TBL1X: variants seen among roughly 807,000 people sequenced by gnomAD.
TBL1X encodes the protein transducin beta like 1 X-linked, also known as F-box-like/WD repeat-containing protein TBL1X.
A neutral mutation model predicts 50.7 loss-of-function variants in TBL1X; 10 were observed. The ratio of observed to expected loss-of-function variants is 0.20; its 90% CI spans 0.12 to 0.33. TBL1X has a LOEUF of 0.33. TBL1X is among the 10% of genes least tolerant of loss of function. The pLI is 1.00. For missense variants in TBL1X, 340 were observed against 504.4 expected, an observed-to-expected ratio of 0.67 and a Z score of 3.12; for synonymous variants, 190 against 214.7, an observed-to-expected ratio of 0.88 and a Z score of 1.01.
At chrX:9,607,829 T>A (rs995038566) in intron 2 of TBL1X, among the ~76,000 whole-genome samples, 1 of 110,963 alleles carries the variant, frequency 9.0e-6, no homozygotes, top group African/African-American at 3.3e-5. Context: ...ATTTATTTAT[T>A]TGAGATGAAG....
intron 6 of TBL1X, among the ~76,000 whole-genome samples, chrX:9,685,811 C>G (rs1326517218): frequency 9.6e-6 from 1 of 103,999 alleles, no homozygotes; most frequent in African/African-American, 3.5e-5. Flanking sequence ...CAGCCTCAAC[C>G]TCCTGGCTCA....
At chrX:9,580,750 A>AT (rs1309422692) in intron 2 of TBL1X, among the ~76,000 whole-genome samples, 14 of 111,474 alleles carry the variant, frequency 1.3e-4, no homozygotes, top group South Asian at 1.1e-3. Context: ...TAGATTTAAA[A>AT]TTTTTTTGAT....
chrX:9,639,413 G>A (rs1764517360), intron 2 of TBL1X, among the ~76,000 whole-genome samples: 1 of 111,799 alleles, frequency 8.9e-6, no homozygotes, highest in South Asian at 3.7e-4. Flanking sequence ...ATTCGTAGAT[G>A]ATAGAGGATA....
intron 1 of TBL1X, among the ~76,000 whole-genome samples, chrX:9,495,080 C>T (rs188998235): frequency 9.9e-5 from 11 of 111,494 alleles, no homozygotes; most frequent in Non-Finnish European, 1.9e-4. Flanking sequence ...AGCTATCAGT[C>T]TACAGAGGGA....
intron 5 of TBL1X, among the ~76,000 whole-genome samples, chrX:9,683,547 G>A (rs929879176): frequency 6.3e-5 from 7 of 111,395 alleles, no homozygotes; most frequent in South Asian, 3.8e-4. Context: ...CACTTGCCCC[G>A]CGTGCCAGGA....
At chrX:9,636,479 A>G (rs1310368213) in intron 2 of TBL1X, 3 of 69,045 alleles carry the variant, frequency 4.3e-5, no homozygotes, top group Non-Finnish European at 7.8e-5. Flanking sequence ...AACTGAAAAC[A>G]AAGCAAAACA....
At chrX:9,507,798 A>G (rs1232191181) in intron 2 of TBL1X, among the ~76,000 whole-genome samples, 2 of 112,042 alleles carry the variant, frequency 1.8e-5, no homozygotes, top group Non-Finnish European at 3.8e-5. Context: ...TACATCTGTA[A>G]CCATCTGATC....
At position 9,662,893 on chromosome X, in the gene TBL1X, G is replaced by A. The variant is rs752580835; in HGVS notation, c.211+8571G>A. ...GATCACTTGAGGCTGGGAGGTGAAG[G>A]CTGCAGTGAGTTATGATCACACCAT... On this transcript the variant is annotated intron_variant, in intron 5 of 17. Transcript: ENST00000645353. Among the ~76,000 whole-genome samples the A allele has an allele frequency of 6.2e-5, 7 of 112,330 alleles. No homozygotes were observed. The South Asian group carries it at 2.2e-3, about 36-fold the overall frequency.
chrX:9,556,271 T>G (rs1227332528), intron 2 of TBL1X, among the ~76,000 whole-genome samples: 1 of 110,265 alleles, frequency 9.1e-6, no homozygotes. Flanking sequence ...ATGATGAGAA[T>G]GCAGTGGTGG....
chrX:9,712,398 C>T (rs533660058), intron 16 of TBL1X, among the ~76,000 whole-genome samples: 13 of 112,688 alleles, frequency 1.2e-4, no homozygotes, highest in Middle Eastern at 4.6e-3. Context: ...AGTGCAGTGG[C>T]GCGATCTTGG....
In TBL1X at chrX:9,702,169, C is replaced by G. The variant is rs759785786; in HGVS notation, c.1115-2824C>G. ...AAACACACATGGCTGGGTGCGTTGG[C>G]TCATTCCTGTAATCCCAGCACTTTG... On this transcript the variant is annotated intron_variant, in intron 12 of 17. Coordinates refer to ENST00000645353, the MANE Select transcript of TBL1X (RefSeq NM_005647.4). Among the ~76,000 whole-genome samples, 192 of 111,553 alleles carry G rather than the reference C, an allele frequency of 1.7e-3. 1 individual carries two copies. Among genetic ancestry groups the G allele is most frequent in the African/African-American group, 5.8e-3 (179 of 30,702 alleles).
chrX:9,526,038 C>T (rs2082130396), intron 2 of TBL1X, among the ~76,000 whole-genome samples: 1 of 107,487 alleles, frequency 9.3e-6, no homozygotes, highest in Non-Finnish European at 1.9e-5. Flanking sequence ...AAGACTAATG[C>T]GTGCAGCTGC....
At chrX:9,596,902 A>G (rs1008929157) in intron 2 of TBL1X, among the ~76,000 whole-genome samples, 1 of 111,045 alleles carries the variant, frequency 9.0e-6, no homozygotes, top group African/African-American at 3.3e-5. Flanking sequence ...CTGCTTTAAT[A>G]TTATTCTAGA....
At chrX:9,610,042 G>C (rs1306650026) in intron 2 of TBL1X, among the ~76,000 whole-genome samples, 1 of 112,669 alleles carries the variant, frequency 8.9e-6, no homozygotes, top group African/African-American at 3.2e-5. Context: ...CCTGGCCTGA[G>C]CCAAACCATG....
intron 2 of TBL1X, among the ~76,000 whole-genome samples, chrX:9,568,576 TTG>T (rs2082364483): frequency 9.4e-6 from 1 of 106,217 alleles, no homozygotes; most frequent in Non-Finnish European, 2.0e-5. Flanking sequence ...TCTGTGTATG[TTG>T]TGTCTATCTG....
chrX:9,555,049 A>G (rs1179214236), intron 2 of TBL1X, among the ~76,000 whole-genome samples: 2 of 111,883 alleles, frequency 1.8e-5, no homozygotes, highest in Non-Finnish European at 3.8e-5. Context: ...TCCATGTCAT[A>G]GCATGGATTG....
intron 1 of TBL1X, among the ~76,000 whole-genome samples, chrX:9,471,539 C>T (rs950904955): frequency 1.8e-5 from 2 of 112,028 alleles, no homozygotes; most frequent in Non-Finnish European, 3.8e-5. Context: ...TGTCCGGTGC[C>T]TAGAGTATCA....
chrX:9,504,409 A>G (rs975543843), intron 2 of TBL1X, among the ~76,000 whole-genome samples: 3 of 112,117 alleles, frequency 2.7e-5, no homozygotes, highest in Non-Finnish European at 3.8e-5. Flanking sequence ...AATGATTACA[A>G]CATCTCTCCA....
intron 2 of TBL1X, among the ~76,000 whole-genome samples, chrX:9,550,037 G>A (rs952305853): frequency 9.0e-6 from 1 of 111,717 alleles, no homozygotes; most frequent in African/African-American, 3.3e-5. Context: ...GGCACAATGC[G>A]CAGAGGGTTG....
Sources: gnomAD v4.1 joint callset for allele counts (sites outside exome capture counted in the v4.1 genomes callset) on GRCh38, gnomAD v4.1.1 for gene constraint, MANE v1.5 for transcripts, NCBI Gene and HGNC (gene_info 2026-07-23, HGNC 2026-07-21) for gene names.